NCLN: variants seen among roughly 807,000 people sequenced by gnomAD.
NCLN encodes the protein nicalin.
NCLN carries 34 observed loss-of-function variants against 69.5 expected under a neutral mutation model. The ratio of observed to expected loss-of-function variants is 0.49; its 90% CI spans 0.37 to 0.65. The LOEUF (loss-of-function observed/expected upper bound fraction) is 0.65. Ranked by LOEUF, NCLN falls within the 30% of genes least tolerant of loss-of-function variation. The pLI is 0.00. For synonymous variants in NCLN, 393 were observed against 358.3 expected, an observed-to-expected ratio of 1.10 and a Z score of -1.09; for missense variants, 710 against 804.8, an observed-to-expected ratio of 0.88 and a Z score of 1.42.
At chr19:3,186,307 C>T in intron 1 of NCLN, 93 bp downstream of exon 1, 2 of 1,315,774 alleles carry the variant, frequency 1.5e-6, no homozygotes, top group Non-Finnish European at 2.0e-6. Context: ...TAGCTCCGGC[C>T]TGGGCTGCCC....
At chr19:3,203,927 C>CA in intron 7 of NCLN, 78 bp from the exon 8 acceptor site, 1 of 1,565,366 alleles carries the variant, frequency 6.4e-7, no homozygotes, top group Non-Finnish European at 8.7e-7. Flanking sequence ...GCCATGGGGG[C>CA]AGCCAGGAGG....
At chr19:3,197,961 T>C (rs1205569921) in intron 4 of NCLN, among the ~76,000 whole-genome samples, 1 of 152,214 alleles carries the variant, frequency 6.6e-6, no homozygotes, top group Non-Finnish European at 1.5e-5. Context: ...TGCTGATGCA[T>C]GTGCAAGCCG....
At chr19:3,196,101 A>G in intron 3 of NCLN, 82 bp from the exon 4 acceptor site, 12 of 1,019,676 alleles carry the variant, frequency 1.2e-5, no homozygotes, top group South Asian at 5.1e-5. Flanking sequence ...CGAGCCCCCA[A>G]CCTGGGGTGT....
intron 4 of NCLN, among the ~76,000 whole-genome samples, chr19:3,197,085 C>T (rs1017712216): frequency 1.3e-5 from 2 of 152,216 alleles, no homozygotes; most frequent in Admixed American, 6.5e-5. Context: ...TGGGGTTTGT[C>T]GATGGCGGCT....
chr19:3,189,936 C>T (rs1462955001), intron 1 of NCLN, among the ~76,000 whole-genome samples: 1 of 152,260 alleles, frequency 6.6e-6, no homozygotes, highest in Non-Finnish European at 1.5e-5. Flanking sequence ...CTTCAGGGAG[C>T]TCTGGGTGCT....
At chr19:3,201,966 G>A (rs537859551) in intron 6 of NCLN, among the ~76,000 whole-genome samples, 16 of 152,220 alleles carry the variant, frequency 1.1e-4, no homozygotes, top group African/African-American at 3.9e-4. Flanking sequence ...GGTGGGGGCC[G>A]TCCTGGGCAC....
intron 1 of NCLN, among the ~76,000 whole-genome samples, chr19:3,188,251 C>T (rs1244715585): frequency 6.6e-6 from 1 of 151,656 alleles, no homozygotes; most frequent in Admixed American, 6.6e-5. Flanking sequence ...AGGTGTGGGC[C>T]CCCTTTCTCT....
chr19:3,201,647 G>A (rs1916129836), intron 6 of NCLN, 21 bp downstream of exon 6: 6 of 1,503,416 alleles, frequency 4.0e-6, no homozygotes, highest in Non-Finnish European at 5.4e-6. Flanking sequence ...GGGTGGGCAG[G>A]GGGATGGGGG....
chr19:3,198,632 T>C (rs1024423523), intron 4 of NCLN, among the ~76,000 whole-genome samples, 185 bp from the exon 5 acceptor site: 16 of 152,010 alleles, frequency 1.1e-4, no homozygotes, highest in African/African-American at 3.9e-4. Context: ...ACCTCCTCCC[T>C]GGAGGAGCTC....
chr19:3,192,869 C>T (rs966490912), intron 2 of NCLN, among the ~76,000 whole-genome samples: 4 of 152,146 alleles, frequency 2.6e-5, no homozygotes, highest in Non-Finnish European at 2.9e-5. Flanking sequence ...AGGGCCGCTC[C>T]GGGCGTGGAG....
chr19:3,207,745 C>T lies in NCLN; in HGVS notation c.*57C>T, dbSNP rs775262120. ...GCTCCACAGTCCCTGGGGCCGAGCA[C>T]GAGTGAGTGGACACTGCCCCGCCGC... On this transcript the variant is annotated 3_prime_UTR_variant, in exon 15 of 15. Transcript: ENST00000246117. The T allele has an allele frequency of 1.0e-5, 15 of 1,489,514 alleles. No homozygotes were observed. The highest frequency in any genetic ancestry group is 2.3e-5 in the East Asian group (1 of 44,088). 92.3% of individuals were successfully genotyped at this position (1,489,514 alleles called of 1,614,324 possible).
chr19:3,208,893 C>CGT lies in NCLN; in HGVS notation c.*1215_*1216dup, dbSNP rs1054259900. ...ACCCTCCACCCCGCAGACCAGGCGT[C>CGT]GTGTGTGTGTGGGAGAGAAGGAGGC... On this transcript the variant is annotated 3_prime_UTR_variant, in exon 15 of 15. Coordinates refer to ENST00000246117, the MANE Select transcript of NCLN (RefSeq NM_020170.4). The CGT allele has an allele frequency of 6.6e-6, 1 of 152,492 alleles. No homozygotes were observed. Among genetic ancestry groups the CGT allele is most frequent in the Non-Finnish European group, 1.5e-5 (1 of 68,242 alleles). 9.4% of individuals were successfully genotyped at this position (152,492 alleles called of 1,614,324 possible). A position where few individuals can be genotyped will look rare whatever the true frequency, so the allele number is the denominator to read the frequency against.
chr19:3,206,794 G>A (rs1291242584), intron 12 of NCLN, among the ~76,000 whole-genome samples: 1 of 152,170 alleles, frequency 6.6e-6, no homozygotes, highest in Admixed American at 6.5e-5. Context: ...AACATAGCAA[G>A]ACCCCATCTC....
At chr19:3,196,017 T>A (rs1005369669) in intron 3 of NCLN, among the ~76,000 whole-genome samples, 166 bp from the exon 4 acceptor site, 3 of 152,154 alleles carry the variant, frequency 2.0e-5, no homozygotes, top group Admixed American at 1.3e-4. Context: ...AAGGTTGTCC[T>A]AGGGGGAGCA....
chr19:3,189,196 C>T (rs972260632), intron 1 of NCLN, among the ~76,000 whole-genome samples: 4 of 152,324 alleles, frequency 2.6e-5, no homozygotes, highest in East Asian at 3.9e-4. Context: ...TGAAGGCTTT[C>T]TCGGCTCGGT....
Position 3,205,488 on chromosome 19 carries a change from C to G in NCLN, c.1209-451C>G, listed in dbSNP as rs888245768. Among the ~76,000 whole-genome samples the G allele has an allele frequency of 6.6e-6, 1 of 152,168 alleles. No individual in the cohort carries two copies. The highest frequency in any genetic ancestry group is 1.5e-5 in the Non-Finnish European group (1 of 68,012). On this transcript the variant is annotated intron_variant, in intron 9 of 14. Coordinates refer to ENST00000246117, the MANE Select transcript of NCLN (RefSeq NM_020170.4). This position sits in a 1 kb window ranked among gnomAD's most constrained non-coding sequence, Gnocchi z 4.6. ...TCCTGGAAAGGATGGAGGTGGCGGT[C>G]GCCCACCAGCCAGGAAAGATTGCCA...
chr19:3,204,608 C>T lies in NCLN; in HGVS notation c.1065C>T (p.Ser355=), dbSNP rs776179710. 1.9e-6 allele frequency: 3 copies of T among 1,587,284 alleles called. No homozygotes were observed. Among genetic ancestry groups the T allele is most frequent in the Admixed American group, 1.8e-5 (1 of 55,028 alleles). ...AAHQFPEVRF[S]MVHKRINLAE... is the part of the protein sequence containing the mutation. ...ACCAGTTCCCTGAGGTACGGTTCTC[C>T]ATGGTGCACAAGCGGATCAACCTGG... Residue 355 remains serine (S), a synonymous_variant, in exon 9 of 15, where the codon TCC becomes TCT. Transcript: ENST00000246117.
intron 5 of NCLN, among the ~76,000 whole-genome samples, chr19:3,201,269 C>T (rs906427662): frequency 6.6e-6 from 1 of 152,176 alleles, no homozygotes; most frequent in Admixed American, 6.5e-5. Flanking sequence ...CTGGGCTTGG[C>T]GGGGCCCCGC....
At chr19:3,193,523 C>A in intron 3 of NCLN, 95 bp downstream of exon 3, 2 of 1,384,880 alleles carry the variant, frequency 1.4e-6, no homozygotes, top group Non-Finnish European at 9.5e-7. Context: ...TGTTTCTGCT[C>A]TCAGCGTGTG....
Sources: allele counts gnomAD v4.1 joint callset (sites outside exome capture counted in the v4.1 genomes callset), GRCh38; gene constraint gnomAD v4.1.1; non-coding constraint Gnocchi (gnomAD v3.1); transcripts MANE v1.5; gene names NCBI Gene and HGNC (gene_info 2026-07-23, HGNC 2026-07-21).